Variants in NGFR observed in about 807,000 individuals in gnomAD.
NGFR encodes the protein nerve growth factor receptor.
Under a neutral mutation model 43.2 loss-of-function variants are expected in NGFR, and 30 were observed. The observed-to-expected ratio is 0.69, with a 90% CI of 0.52 to 0.94. The LOEUF (loss-of-function observed/expected upper bound fraction) is 0.94. Among genes scored for constraint, NGFR ranks in the 40% least tolerant of loss-of-function variants. The probability of loss-of-function intolerance (pLI) is 0.00; values close to 1 mark genes in which losing one functional copy is unlikely to be tolerated. For missense variants in NGFR, 529 were observed against 602.5 expected (o/e 0.88, Z 1.28); for synonymous variants, 246 against 259.6 (o/e 0.95, Z 0.50).
At chr17:49,501,448 C>T (rs985565365) in intron 1 of NGFR, among the ~76,000 whole-genome samples, 2 of 152,220 alleles carry the variant, frequency 1.3e-5, no homozygotes, top group Non-Finnish European at 2.9e-5. Context: ...GCAAGCAAGA[C>T]CCCCAGTGTA....
chr17:49,500,371 A>T (rs909198162), intron 1 of NGFR, among the ~76,000 whole-genome samples: 1 of 152,176 alleles, frequency 6.6e-6, no homozygotes, highest in Non-Finnish European at 1.5e-5. Context: ...GCGTGTATGC[A>T]TTGTGTCCCT....
At position 49,502,105 on chromosome 17, in the gene NGFR, TAC is replaced by T. The variant is rs747803961; in HGVS notation, c.117_118del (p.His39GlnfsTer3). The T allele has an allele frequency of 5.6e-6, 9 of 1,601,422 alleles. No homozygotes were observed. Among genetic ancestry groups the T allele is most frequent in the African/African-American group, 5.4e-5 (4 of 74,166 alleles). On this transcript the variant is annotated frameshift_variant, in exon 2 of 6. Coordinates refer to ENST00000172229, the MANE Select transcript of NGFR (RefSeq NM_002507.4). LOFTEE classifies it high-confidence loss of function. ...GAKEACPTGLYTHSGECCKAC... is the reference protein window; with the variant it reads ...GAKEACPTGLXTHSGECCKAC... ...CAAGGAGGCATGCCCCACAGGCCTG[TAC>T]ACACACAGCGGTGAGTGCTGCAAAG...
At chr17:49,502,821 TTC>T (rs2143429157) in intron 2 of NGFR, among the ~76,000 whole-genome samples, 1 of 117,248 alleles carries the variant, frequency 8.5e-6, no homozygotes, top group Non-Finnish European at 1.9e-5. Context: ...GATTTCTTCC[TTC>T]CTTCCTTCCT....
intron 1 of NGFR, among the ~76,000 whole-genome samples, chr17:49,498,859 CCTCCCTACTTGG>C (rs1379798286): frequency 2.0e-5 from 3 of 152,124 alleles, no homozygotes; most frequent in Non-Finnish European, 4.4e-5. Context: ...GTTAGTCACC[CCTCCCTACTTGG>C]CTAAACTCTC....
chr17:49,501,951 T>C, intron 1 of NGFR, 112 bp from the exon 2 acceptor site: 1 of 1,102,090 alleles, frequency 9.1e-7, no homozygotes, highest in Non-Finnish European at 1.3e-6. Flanking sequence ...CCAGCCCAGG[T>C]GGTTCTAATA....
chr17:49,511,933 G>A lies in NGFR; in HGVS notation c.863G>A (p.Arg288Gln), dbSNP rs762826118. Residue 288 changes from arginine (R) to glutamine (Q), a missense_variant, in exon 5 of 6, where the codon CGG (arginine) becomes CAG (glutamine). By Grantham distance (43) the Arg-to-Gln change is conservative. Transcript: ENST00000172229. Reference protein sequence around the residue: ...CKQNKQGANSRPVNQTPPPEG... With the variant: ...CKQNKQGANSQPVNQTPPPEG... ...CAGAACAAGCAAGGAGCCAACAGCCGGCCAGTGAACCAGACGCCCCCACCA... is the reference window on the plus strand; with the variant it reads ...CAGAACAAGCAAGGAGCCAACAGCCAGCCAGTGAACCAGACGCCCCCACCA... The A allele has an allele frequency of 2.7e-5, 44 of 1,612,488 alleles. No homozygotes were observed. Among genetic ancestry groups the A allele is most frequent in the South Asian group, 1.2e-4 (11 of 90,776 alleles).
rs112778289 is a variant in NGFR, at chr17:49,511,836, G to A, written c.822-56G>A. 29 of 1,482,054 alleles carry A rather than the reference G, an allele frequency of 2.0e-5. No homozygotes were observed. In the African/African-American group the frequency reaches 3.1e-4, roughly 16 times the overall value. 91.8% of individuals were successfully genotyped at this position (1,482,054 alleles called of 1,614,324 possible). A position where few individuals can be genotyped will look rare whatever the true frequency, so the allele number is the denominator to read the frequency against. On this transcript the variant is annotated intron_variant, in intron 4 of 5. Coordinates refer to ENST00000172229, the MANE Select transcript of NGFR (RefSeq NM_002507.4). ...CACGGCAGAGCACAGATACTCAGCT[G>A]CATCGGCCACTACAGCCCCTCGCCC...
intron 3 of NGFR, among the ~76,000 whole-genome samples, chr17:49,509,585 C>G (rs920082509): frequency 3.3e-5 from 5 of 152,202 alleles, no homozygotes; most frequent in African/African-American, 1.2e-4. Context: ...AAGTCACAGT[C>G]TCCCCCCGCC....
chr17:49,498,882 C>G (rs916442709), intron 1 of NGFR, among the ~76,000 whole-genome samples: 1 of 152,144 alleles, frequency 6.6e-6, no homozygotes, highest in Non-Finnish European at 1.5e-5. Flanking sequence ...CTAAACTCTC[C>G]CCTCCTGCCT....
Position 49,512,102 on chromosome 17 carries a change from C to T in NGFR, c.982+50C>T. ...TGAGGCGGAGCTGAGGCTGAGGAAA[C>T]AGAAGCAATTAAGATTAGACTCCAG... is the stretch of plus-strand genomic sequence containing the variant. On this transcript the variant is annotated intron_variant, in intron 5 of 5. Transcript: ENST00000172229. This position sits in a 1 kb window ranked among gnomAD's most constrained non-coding sequence, Gnocchi z 5.2. The T allele has an allele frequency of 1.3e-6, 2 of 1,588,112 alleles. No homozygotes were observed. Among genetic ancestry groups the T allele is most frequent in the Non-Finnish European group, 1.7e-6 (2 of 1,166,730 alleles).
rs1324343706 is a variant in NGFR, at chr17:49,510,485, G to A, written c.642G>A (p.Glu214=). 6.2e-7 allele frequency: 1 copy of A among 1,614,010 alleles called. No homozygotes were observed. The highest frequency in any genetic ancestry group is 8.5e-7 in the Non-Finnish European group (1 of 1,180,024). Residue 214 remains glutamate, a synonymous_variant, in exon 4 of 6, where the codon GAG becomes GAA. Transcript: ENST00000172229. The part of the protein sequence containing the change: ...GSDSTAPSTQ[E]PEAPPEQDLI... ...ACAGCACAGCCCCCAGCACCCAGGAGCCTGAGGCACCTCCAGAACAAGACC... is the reference window on the plus strand; with the variant it reads ...ACAGCACAGCCCCCAGCACCCAGGAACCTGAGGCACCTCCAGAACAAGACC...
At position 49,512,472 on chromosome 17, in the gene NGFR, G is replaced by A. The variant is rs986179651; in HGVS notation, c.983-236G>A. Among the ~76,000 whole-genome samples, 1 of 152,196 alleles carries A rather than the reference G, an allele frequency of 6.6e-6. No homozygotes were observed. The highest frequency in any genetic ancestry group is 2.4e-5 in the African/African-American group (1 of 41,440). Reference sequence around the variant, plus strand: ...CCTCCTCTGCCATGATTAATTGCTGGGGGGGAAGAGAGGAGGGATGGGGAT... The same window carrying A: ...CCTCCTCTGCCATGATTAATTGCTGAGGGGGAAGAGAGGAGGGATGGGGAT... On this transcript the variant is annotated intron_variant, in intron 5 of 5. Coordinates refer to ENST00000172229, the MANE Select transcript of NGFR (RefSeq NM_002507.4). This position sits in a 1 kb window ranked among gnomAD's most constrained non-coding sequence, Gnocchi z 5.2.
chr17:49,504,672 G>A lies in NGFR; in HGVS notation c.209-1627G>A, dbSNP rs556852065. 1.4e-3 allele frequency among the ~76,000 whole-genome samples: 206 copies of A among 152,104 alleles called. 1 individual carries two copies. Among genetic ancestry groups the A allele is most frequent in the Non-Finnish European group, 2.5e-3 (169 of 67,998 alleles). On this transcript the variant is annotated intron_variant, in intron 2 of 5. Coordinates refer to ENST00000172229, the MANE Select transcript of NGFR (RefSeq NM_002507.4). ...CTGCTCCTAGGAAAAGGGACACAGG[G>A]TTCCTCTGTCAGAATTCACTTGAAA...
chr17:49,496,453 G>A (rs898462434), intron 1 of NGFR: 13 of 152,248 alleles, frequency 8.5e-5, no homozygotes, highest in African/African-American at 3.1e-4. Flanking sequence ...GGGACGGAGC[G>A]GGTGTGCCCC....
intron 4 of NGFR, chr17:49,510,946 G>A: frequency 2.2e-6 from 1 of 458,314 alleles, no homozygotes; most frequent in Non-Finnish European, 4.0e-6. Flanking sequence ...CCAACTGCTT[G>A]TGTCCTCATC....
chr17:49,509,520 C>A (rs1368664081), intron 3 of NGFR, among the ~76,000 whole-genome samples: 1 of 152,216 alleles, frequency 6.6e-6, no homozygotes, highest in Non-Finnish European at 1.5e-5. Context: ...GGCTGGGTCC[C>A]CTGCCAGGGA....
At chr17:49,502,589 G>T (rs2071173238) in intron 2 of NGFR, among the ~76,000 whole-genome samples, 2 of 152,170 alleles carry the variant, frequency 1.3e-5, no homozygotes, top group African/African-American at 4.8e-5. Flanking sequence ...GTGTTTGGGG[G>T]AAGGGAGAGG....
At chr17:49,499,280 A>G (rs923694539) in intron 1 of NGFR, among the ~76,000 whole-genome samples, 1 of 152,210 alleles carries the variant, frequency 6.6e-6, no homozygotes, top group African/African-American at 2.4e-5. Context: ...ACCCAAGACC[A>G]CTGTAGACAG....
At chr17:49,511,786 G>A (rs1324575819) in intron 4 of NGFR, 106 bp from the exon 5 acceptor site, 3 of 1,325,370 alleles carry the variant, frequency 2.3e-6, no homozygotes, top group African/African-American at 1.5e-5. Context: ...TTATAATTGG[G>A]CACCCGCCAT....
Sources: gnomAD v4.1 joint callset for allele counts (sites outside exome capture counted in the v4.1 genomes callset) on GRCh38, gnomAD v4.1.1 for gene constraint, Gnocchi (gnomAD v3.1) non-coding constraint, MANE v1.5 for transcripts, NCBI Gene and HGNC (gene_info 2026-07-23, HGNC 2026-07-21) for gene names.